The following ATL3 variants were observed in gnomAD, a reference collection of about 807,000 sequenced individuals.
ATL3 encodes atlastin-3.
A neutral mutation model predicts 69.5 loss-of-function variants in ATL3; 49 were observed. The observed-to-expected ratio is 0.71, with a 90% CI of 0.56 to 0.89. ATL3 has a LOEUF of 0.89. Ranked by LOEUF, ATL3 falls within the 40% of genes least tolerant of loss-of-function variation. The pLI, the probability that ATL3 is intolerant of heterozygous loss-of-function variation, is 0.00. For missense variants in ATL3, 606 were observed against 645.7 expected (o/e 0.94, Z 0.67); for synonymous variants, 214 against 224.1 (o/e 0.95, Z 0.40).
intron 6 of ATL3, 102 bp downstream of exon 6, chr11:63,646,405 T>C: frequency 4.6e-6 from 3 of 652,466 alleles, no homozygotes; most frequent in South Asian, 1.9e-5. Flanking sequence ...ACAAGTCATA[T>C]AAAAACAGGT....
chr11:63,669,784 TA>T (rs1940716183), intron 1 of ATL3, among the ~76,000 whole-genome samples: 1 of 151,762 alleles, frequency 6.6e-6, no homozygotes, highest in Admixed American at 6.6e-5. Flanking sequence ...CCGTTTCTAC[TA>T]AAAATACAAA....
chr11:63,635,543 G>A lies in ATL3; in HGVS notation c.1026C>T (p.Ser342=), dbSNP rs2134471463. The change falls in exon 10 of 13, where the codon TCC becomes TCT. Residue 342 remains serine, a synonymous_variant. Coordinates refer to ENST00000398868, the MANE Select transcript of ATL3 (RefSeq NM_015459.5). The part of the protein sequence containing the change: ...YQGEDLPHPK[S]MLQATAEANN... ...TCAAATCATTGTTTACCTGAAGCAT[G>A]GACTTGGGGTGAGGCAGATCTTCTC... The A allele has an allele frequency of 1.2e-6, 2 of 1,612,162 alleles. No homozygotes were observed. Among genetic ancestry groups the A allele is most frequent in the South Asian group, 2.2e-5 (2 of 90,910 alleles).
intron 1 of ATL3, among the ~76,000 whole-genome samples, chr11:63,665,004 G>A (rs568672979): frequency 6.6e-6 from 1 of 152,208 alleles, no homozygotes; most frequent in Non-Finnish European, 1.5e-5. Context: ...AGTAGACATG[G>A]AAGATAAAGT....
chr11:63,661,660 C>A (rs145820027), intron 1 of ATL3, among the ~76,000 whole-genome samples: 3 of 151,780 alleles, frequency 2.0e-5, no homozygotes, highest in Non-Finnish European at 4.4e-5. Context: ...GAGGCCGAGG[C>A]GGGCAGATCA....
chr11:63,656,287 T>G (rs181639791), intron 3 of ATL3, among the ~76,000 whole-genome samples: 59 of 151,974 alleles, frequency 3.9e-4, no homozygotes, highest in Admixed American at 2.4e-3. Context: ...GATAAAATCT[T>G]AAAAGCAACC....
chr11:63,652,675 G>T, intron 3 of ATL3, 100 bp from the exon 4 acceptor site: 1 of 764,128 alleles, frequency 1.3e-6, no homozygotes, highest in Non-Finnish European at 2.1e-6. Context: ...TTAAGTACAG[G>T]TAATGTTTAT....
intron 10 of ATL3, among the ~76,000 whole-genome samples, chr11:63,633,956 A>T (rs1239751449): frequency 1.4e-5 from 2 of 147,686 alleles, no homozygotes; most frequent in Non-Finnish European, 1.5e-5. Context: ...AACTACTTGA[A>T]CCCAGGAGGT....
At chr11:63,637,816 GA>G (rs1264587904) in intron 8 of ATL3, 1 of 152,034 alleles carries the variant, frequency 6.6e-6, no homozygotes. Context: ...AAAATTTCAA[GA>G]AAGCATGGGA....
At chr11:63,651,222 C>T (rs1298981846) in intron 5 of ATL3, among the ~76,000 whole-genome samples, 2 of 151,824 alleles carry the variant, frequency 1.3e-5, no homozygotes, top group Non-Finnish European at 2.9e-5. Context: ...TTTGGGAGGC[C>T]GAGGCAGGCG....
rs964268770 is a variant in ATL3 at position 63,659,383 on chromosome 11, T to C, written c.47-131A>G. 33 of 706,192 alleles carry C rather than the reference T, an allele frequency of 4.7e-5. No homozygotes were observed. The South Asian group carries it at 5.9e-4, about 13-fold the overall frequency. The allele number at this position is 706,192 out of a possible 1,614,324, so 43.7% of individuals were successfully genotyped here. A position where few individuals can be genotyped will look rare whatever the true frequency, so the allele number is the denominator to read the frequency against. On this transcript the variant is annotated intron_variant, in intron 1 of 12. Transcript: ENST00000398868. ...GGCTCATGCCTATAATCACAGCACTTTGGGAAACCAAAGCAGAAAGATTAC... is the reference window on the plus strand; with the variant it reads ...GGCTCATGCCTATAATCACAGCACTCTGGGAAACCAAAGCAGAAAGATTAC...
intron 3 of ATL3, among the ~76,000 whole-genome samples, chr11:63,653,915 C>T (rs1012840936): frequency 6.6e-6 from 1 of 152,072 alleles, no homozygotes; most frequent in Non-Finnish European, 1.5e-5. Context: ...TAATAGTGGG[C>T]ATGTGTCACT....
rs1939100750 is a variant in ATL3, at chr11:63,626,068, T to C, written c.*3251A>G. 1 of 151,926 alleles carries C rather than the reference T, an allele frequency of 6.6e-6. No individual in the cohort carries two copies. Among genetic ancestry groups the C allele is most frequent in the African/African-American group, 2.4e-5 (1 of 41,364 alleles). 9.4% of individuals were successfully genotyped at this position (151,926 alleles called of 1,614,324 possible). A position where few individuals can be genotyped will look rare whatever the true frequency, so the allele number is the denominator to read the frequency against. ...AACGTAAACTTCCATAGAACATTTCTTGGTATACTACGAAAATAAGGCATG... is the reference window on the plus strand; with the variant it reads ...AACGTAAACTTCCATAGAACATTTCCTGGTATACTACGAAAATAAGGCATG... On this transcript the variant is annotated 3_prime_UTR_variant, in exon 13 of 13. Coordinates refer to ENST00000398868, the MANE Select transcript of ATL3 (RefSeq NM_015459.5).
At chr11:63,652,764 T>C (rs546964709) in intron 3 of ATL3, among the ~76,000 whole-genome samples, 189 bp from the exon 4 acceptor site, 4 of 152,196 alleles carry the variant, frequency 2.6e-5, no homozygotes, top group Admixed American at 6.6e-5. Flanking sequence ...CTACTGAAGA[T>C]TATCCAGCGT....
At chr11:63,634,536 T>C (rs924272382) in intron 10 of ATL3, among the ~76,000 whole-genome samples, 1 of 151,268 alleles carries the variant, frequency 6.6e-6, no homozygotes, top group Non-Finnish European at 1.5e-5. Flanking sequence ...TTATTTGCAA[T>C]GTCAATCCCA....
rs1250668521 is a variant in ATL3, at chr11:63,625,060, T to C, written c.*4259A>G. The C allele has an allele frequency of 1.3e-5, 2 of 152,166 alleles. No individual in the cohort carries two copies. Among genetic ancestry groups the C allele is most frequent in the African/African-American group, 2.4e-5 (1 of 41,440 alleles). 9.4% of individuals were successfully genotyped at this position (152,166 alleles called of 1,614,324 possible). ...TTAAACAAGCCTGCTAGGTAAGTCT[T>C]ATGCACTCCAAGGTAGATGAGAACC... On this transcript the variant is annotated 3_prime_UTR_variant, in exon 13 of 13. Coordinates refer to ENST00000398868, the MANE Select transcript of ATL3 (RefSeq NM_015459.5).
At chr11:63,671,850 C>G (rs944130526), upstream of ATL3, 3 of 658,514 alleles carry the variant, frequency 4.6e-6, no homozygotes, top group Non-Finnish European at 6.2e-6. Flanking sequence ...ACGTGCAGAC[C>G]AGGCCCCAGG....
At chr11:63,666,640 G>A (rs564739609) in intron 1 of ATL3, among the ~76,000 whole-genome samples, 23 of 147,002 alleles carry the variant, frequency 1.6e-4, no homozygotes, top group South Asian at 7.3e-4. Context: ...CACACCGTGC[G>A]ATCAAGTGAT....
At chr11:63,642,598 A>C (rs955921566) in intron 8 of ATL3, among the ~76,000 whole-genome samples, 1 of 152,126 alleles carries the variant, frequency 6.6e-6, no homozygotes, top group Non-Finnish European at 1.5e-5. Flanking sequence ...CCACTTACTT[A>C]ACTAGCTGAG....
At chr11:63,661,394 C>T (rs1047449522) in intron 1 of ATL3, among the ~76,000 whole-genome samples, 1 of 152,078 alleles carries the variant, frequency 6.6e-6, no homozygotes, top group Admixed American at 6.6e-5. Flanking sequence ...TAAGCACTAA[C>T]TATATTATAC....
Sources: gnomAD v4.1 joint callset for allele counts (sites outside exome capture counted in the v4.1 genomes callset) on GRCh38, gnomAD v4.1.1 for gene constraint, MANE v1.5 for transcripts, NCBI Gene and HGNC (gene_info 2026-07-23, HGNC 2026-07-21) for gene names.